Variants in NUP210 observed in about 807,000 individuals in gnomAD.
The protein encoded by NUP210 is nuclear pore membrane glycoprotein 210.
NUP210 carries 151 observed loss-of-function variants against 196.0 expected under a neutral mutation model. The observed-to-expected ratio is 0.77, with a 90% confidence interval of 0.67 to 0.88. NUP210 has a LOEUF of 0.88. Ranked by LOEUF, NUP210 falls within the 40% of genes least tolerant of loss-of-function variation. The pLI, the probability that NUP210 is intolerant of heterozygous loss-of-function variation, is 0.00. For missense variants in NUP210, 2,314 were observed against 2,493.7 expected, an observed-to-expected ratio of 0.93 and a Z score of 1.53; for synonymous variants, 1,070 against 1,052.7, an observed-to-expected ratio of 1.02 and a Z score of -0.32.
intron 13 of NUP210, among the ~76,000 whole-genome samples, chr3:13,366,516 CTTTTTTTT>C (rs58529748): frequency 9.0e-6 from 1 of 110,854 alleles, no homozygotes. Flanking sequence ...TGATTTCTTT[CTTTTTTTT>C]TTTTTTTTTT....
At position 13,319,132 on chromosome 3, in the gene NUP210, G is replaced by A. The variant is rs748008719; in HGVS notation, c.5503C>T (p.Arg1835Trp). The A allele has an allele frequency of 2.4e-5, 39 of 1,609,730 alleles. No individual in the cohort carries two copies. Among genetic ancestry groups the A allele is most frequent in the East Asian group, 2.2e-4 (10 of 44,764 alleles). Residue 1835 changes from arginine to tryptophan, a missense_variant, in exon 39 of 40, where the codon CGG becomes TGG. Physicochemically the swap from Arg to Trp is moderately radical, Grantham distance 101. Coordinates refer to ENST00000254508, the MANE Select transcript of NUP210 (RefSeq NM_024923.4). ...IIAYHTVCTP[R>W]DLAVPAALTP... ...AGGGCTGCAGGCACAGCAAGATCCC[G>A]GGGCGTGCAGACAGTGTGGTAGGCT... is the stretch of plus-strand genomic sequence containing the variant.
At chr3:13,393,342 G>A (rs911309778) in intron 3 of NUP210, among the ~76,000 whole-genome samples, 3 of 152,188 alleles carry the variant, frequency 2.0e-5, no homozygotes, top group African/African-American at 7.2e-5. Flanking sequence ...GCTGCACGTG[G>A]AGCTCTGTTT....
intron 10 of NUP210, 121 bp downstream of exon 10, chr3:13,376,170 C>A (rs1698896870): frequency 1.0e-6 from 1 of 965,948 alleles, no homozygotes; most frequent in African/African-American, 1.6e-5. Flanking sequence ...GTAGCCCAAA[C>A]AGGAAAAGGG....
intron 11 of NUP210, among the ~76,000 whole-genome samples, chr3:13,374,193 C>G (rs919552051): frequency 6.6e-6 from 1 of 152,134 alleles, no homozygotes; most frequent in Non-Finnish European, 1.5e-5. Context: ...ACAGTGCACA[C>G]TCATACACCT....
chr3:13,359,102 C>T (rs1329278177), intron 15 of NUP210, among the ~76,000 whole-genome samples: 1 of 152,196 alleles, frequency 6.6e-6, no homozygotes, highest in Non-Finnish European at 1.5e-5. Context: ...ACACGAGCCC[C>T]TACCCCTCCT....
At chr3:13,356,604 C>T (rs1698180519) in intron 16 of NUP210, among the ~76,000 whole-genome samples, 2 of 152,314 alleles carry the variant, frequency 1.3e-5, no homozygotes, top group Admixed American at 1.3e-4. Flanking sequence ...GATTGCGCCA[C>T]TGCACTCCAG....
Position 13,379,452 on chromosome 3 carries a change from G to A in NUP210, c.976+111C>T. The stretch of plus-strand genomic sequence containing the variant: ...AGTTCTTTCTGATTTTCAGACCGTT[G>A]AGGGGAAACGGCTATTTTTAGCCCT... On this transcript the variant is annotated intron_variant, in intron 7 of 39. Coordinates refer to ENST00000254508, the MANE Select transcript of NUP210 (RefSeq NM_024923.4). This position sits in a 1 kb window ranked among gnomAD's most constrained non-coding sequence, Gnocchi z 4.2. 3 of 1,353,302 alleles carry A rather than the reference G, an allele frequency of 2.2e-6. No homozygotes were observed. Among genetic ancestry groups the A allele is most frequent in the Non-Finnish European group, 3.1e-6 (3 of 956,506 alleles). The allele number at this position is 1,353,302 out of a possible 1,614,324, so 83.8% of individuals were successfully genotyped here.
chr3:13,355,461 C>T (rs1041040887), intron 16 of NUP210, among the ~76,000 whole-genome samples: 2 of 152,192 alleles, frequency 1.3e-5, no homozygotes, highest in Non-Finnish European at 2.9e-5. Context: ...GCAGGTCTCC[C>T]AGCCAACTAG....
intron 13 of NUP210, among the ~76,000 whole-genome samples, chr3:13,369,279 G>C (rs1272071675): frequency 6.6e-6 from 1 of 152,178 alleles, no homozygotes. Flanking sequence ...TGGGTTATTG[G>C]TGTTATTGCT....
At chr3:13,330,138 TG>T (rs1318594257) in intron 30 of NUP210, among the ~76,000 whole-genome samples, 1 of 152,246 alleles carries the variant, frequency 6.6e-6, no homozygotes, top group East Asian at 1.9e-4. Flanking sequence ...CCAGGCACAG[TG>T]GGTGGAGCAC....
At chr3:13,378,218 T>C (rs915359330) in intron 8 of NUP210, among the ~76,000 whole-genome samples, 2 of 152,124 alleles carry the variant, frequency 1.3e-5, no homozygotes, top group African/African-American at 4.8e-5. Flanking sequence ...TTCTCTGCTT[T>C]GAACTCTCAG....
At chr3:13,372,097 G>C (rs1698751681) in intron 12 of NUP210, 65 bp from the exon 13 acceptor site, 1 of 1,392,928 alleles carries the variant, frequency 7.2e-7, no homozygotes, top group African/African-American at 1.4e-5. Context: ...CTGTTGCTCG[G>C]ATATCCTAAG....
chr3:13,377,722 C>T (rs1698963853), intron 8 of NUP210, among the ~76,000 whole-genome samples, 160 bp from the exon 9 acceptor site: 1 of 146,580 alleles, frequency 6.8e-6, no homozygotes, highest in African/African-American at 2.5e-5. Context: ...AGGCCCCACA[C>T]CACTTACCTG....
rs1404509823 is a variant in NUP210 at position 13,386,365 on chromosome 3, T to G, written c.727A>C (p.Ile243Leu). ...ACGTCATAGGCCGGGTTCAGAAGGA[T>G]GTTTTCCAAAATCAGCAGCCTGACT... ...AEVRLLILEN[I>L]LLNPAYDVYL... The change falls in exon 6 of 40, where the codon ATC (isoleucine) becomes CTC (leucine). Residue 243 changes from isoleucine to leucine, a missense_variant. Coordinates refer to ENST00000254508, the MANE Select transcript of NUP210 (RefSeq NM_024923.4). 6.8e-6 allele frequency: 11 copies of G among 1,614,170 alleles called. No individual in the cohort carries two copies. In the African/African-American group the frequency reaches 1.5e-4, roughly 22 times the overall value.
intron 9 of NUP210, 137 bp from the exon 10 acceptor site, chr3:13,376,568 T>C (rs553315233): frequency 3.7e-5 from 31 of 847,362 alleles, no homozygotes; most frequent in Non-Finnish European, 5.4e-5. Flanking sequence ...CAGCCTCCAC[T>C]AGCAGCAGAC....
chr3:13,343,145 AG>A (rs1697582200), intron 21 of NUP210, 29 bp downstream of exon 21: 2 of 1,612,762 alleles, frequency 1.2e-6, no homozygotes, highest in African/African-American at 1.3e-5. Flanking sequence ...AGGTCAGCCG[AG>A]GGTGCCCCGT....
In NUP210 at chr3:13,358,395, C is replaced by T; in HGVS notation, c.2155G>A (p.Val719Ile). Residue 719 changes from valine (V) to isoleucine (I), a missense_variant and splice_region_variant, in exon 16 of 40, where the codon GTC becomes ATC. By Grantham distance (29) the Val-to-Ile change is conservative. Transcript: ENST00000254508. ...TTGTTCCCCACCGACAGGGCGATGA[C>T]CTGGTAGGGCACAGTGAACAGTCAG... ...LVTCQALGEQVIALSVGNKPS... is the reference protein window; with the variant it reads ...LVTCQALGEQIIALSVGNKPS... 1 of 1,607,176 alleles carries T rather than the reference C, an allele frequency of 6.2e-7. No homozygotes were observed.
At chr3:13,322,138 C>T in intron 35 of NUP210, 55 bp downstream of exon 35, 30 of 1,601,938 alleles carry the variant, frequency 1.9e-5, no homozygotes, top group Non-Finnish European at 2.6e-5. Context: ...CGCAAGATGC[C>T]CAGAAGACAG....
chr3:13,348,908 T>C lies in NUP210; in HGVS notation c.2835+2971A>G. The C allele has an allele frequency of 1.1e-6, 1 of 950,770 alleles. No individual in the cohort carries two copies. Among genetic ancestry groups the C allele is most frequent in the South Asian group, 4.8e-5 (1 of 20,750 alleles). 58.9% of individuals were successfully genotyped at this position (950,770 alleles called of 1,614,324 possible). A position where few individuals can be genotyped will look rare whatever the true frequency, so the allele number is the denominator to read the frequency against. On this transcript the variant is annotated intron_variant, in intron 20 of 39. Transcript: ENST00000254508. The surrounding 1 kb of genome is among the most constrained non-coding windows in gnomAD (Gnocchi z 4.0). The stretch of plus-strand genomic sequence containing the variant: ...AACAAAAAAACTGAATTAAAAAACT[T>C]ATTAAACAGGGGGTGTTTCACACAA...
Sources: allele counts gnomAD v4.1 joint callset (sites outside exome capture counted in the v4.1 genomes callset), GRCh38; gene constraint gnomAD v4.1.1; non-coding constraint Gnocchi (gnomAD v3.1); transcripts MANE v1.5; gene names NCBI Gene and HGNC (gene_info 2026-07-23, HGNC 2026-07-21).